The following OSBPL9 variants were observed in gnomAD, a reference collection of about 807,000 sequenced individuals.
OSBPL9 encodes oxysterol-binding protein-related protein 9.
Under a neutral mutation model 106.6 loss-of-function variants are expected in OSBPL9, and 40 were observed. The ratio of observed to expected loss-of-function variants is 0.38; its 90% CI spans 0.29 to 0.49. OSBPL9 has a LOEUF of 0.49. Ranked by LOEUF, OSBPL9 falls within the 20% of genes least tolerant of loss-of-function variation. The pLI is 0.97. For missense variants in OSBPL9, 609 were observed against 887.2 expected (o/e 0.69, Z 3.98); for synonymous variants, 269 against 295.4 (o/e 0.91, Z 0.92).
upstream of OSBPL9, among the ~76,000 whole-genome samples, chr1:51,615,119 G>A (rs950399506): frequency 8.5e-5 from 13 of 152,190 alleles, no homozygotes; most frequent in African/African-American, 3.1e-4. Context: ...AGTTAGCCAG[G>A]CGAGCGCCTG....
chr1:51,623,218 G>A (rs1644552458), intron 1 of OSBPL9, among the ~76,000 whole-genome samples: 1 of 152,098 alleles, frequency 6.6e-6, no homozygotes, highest in Admixed American at 6.6e-5. Context: ...AATATATGAA[G>A]CGAATGGAGG....
intron 3 of OSBPL9, among the ~76,000 whole-genome samples, chr1:51,705,399 ATT>A (rs869169566): frequency 3.5e-4 from 14 of 40,434 alleles, no homozygotes; most frequent in African/African-American, 1.4e-3. Flanking sequence ...ATATATATAT[ATT>A]TTTTTTTTTT....
chr1:51,679,977 C>T (rs184561032), intron 3 of OSBPL9, among the ~76,000 whole-genome samples: 83 of 152,246 alleles, frequency 5.5e-4, no homozygotes, highest in Middle Eastern at 3.4e-3. Flanking sequence ...CAGGCATCCA[C>T]AGGGGGTCTT....
intron 16 of OSBPL9, 192 bp downstream of exon 16, chr1:51,781,527 G>T (rs1676388236): frequency 5.4e-6 from 3 of 551,348 alleles, no homozygotes; most frequent in African/African-American, 1.9e-5. Context: ...TGAGGATGGG[G>T]ATGTAGAAAT....
intron 4 of OSBPL9, 133 bp downstream of exon 4, chr1:51,714,212 T>C (rs1470410860): frequency 6.6e-6 from 4 of 601,534 alleles, no homozygotes; most frequent in Non-Finnish European, 1.1e-5. Flanking sequence ...TTGCTTATTT[T>C]TCCTTTACAG....
chr1:51,548,281 T>A, the OSBPL9 span, among the ~76,000 whole-genome samples: 2 of 152,216 alleles, frequency 1.3e-5, no homozygotes, highest in African/African-American at 4.8e-5. Context: ...TGATTTTTTA[T>A]AGAGACAGAG....
intron 1 of OSBPL9, among the ~76,000 whole-genome samples, chr1:51,624,106 G>A (rs1054777552): frequency 2.0e-5 from 3 of 151,550 alleles, no homozygotes; most frequent in East Asian, 2.0e-4. Flanking sequence ...TAGTAGAGAC[G>A]AGGTTTCACC....
the OSBPL9 span, among the ~76,000 whole-genome samples, chr1:51,539,493 T>A: frequency 1.3e-5 from 2 of 152,164 alleles, no homozygotes; most frequent in Non-Finnish European, 2.9e-5. Flanking sequence ...CCCTCTTCCT[T>A]TTATGCCCCC....
chr1:51,566,830 G>A, the OSBPL9 span, among the ~76,000 whole-genome samples: 2 of 152,282 alleles, frequency 1.3e-5, no homozygotes, highest in East Asian at 3.9e-4. Context: ...ACTGTGAGCA[G>A]GTGTCATATA....
chr1:51,644,739 G>C (rs1646039005), intron 1 of OSBPL9, among the ~76,000 whole-genome samples: 1 of 152,140 alleles, frequency 6.6e-6, no homozygotes, highest in African/African-American at 2.4e-5. Flanking sequence ...GTCTACTGAT[G>C]AATCATTTCC....
chr1:51,720,492 A>T (rs1018594388), intron 4 of OSBPL9, among the ~76,000 whole-genome samples: 1 of 151,762 alleles, frequency 6.6e-6, no homozygotes, highest in African/African-American at 2.4e-5. Flanking sequence ...CGCCCAGCTG[A>T]TTTTTTGTAT....
intron 7 of OSBPL9, among the ~76,000 whole-genome samples, 157 bp from the exon 8 acceptor site, chr1:51,749,988 T>C (rs1668901010): frequency 6.6e-6 from 1 of 152,130 alleles, no homozygotes; most frequent in Admixed American, 6.5e-5. Flanking sequence ...TTTGGCATTA[T>C]CAGCATACTA....
chr1:51,753,708 AAATTTT>A (rs1411750234), intron 8 of OSBPL9, among the ~76,000 whole-genome samples: 1 of 152,150 alleles, frequency 6.6e-6, no homozygotes, highest in Non-Finnish European at 1.5e-5. Context: ...CTGTAAGTAA[AAATTTT>A]AATTTTAAGC....
At chr1:51,721,128 A>G (rs1307058629) in intron 4 of OSBPL9, among the ~76,000 whole-genome samples, 1 of 151,606 alleles carries the variant, frequency 6.6e-6, no homozygotes, top group Non-Finnish European at 1.5e-5. Context: ...TACTGCCTGT[A>G]ATTTTATGTT....
At chr1:51,764,566 G>A (rs954814268) in intron 11 of OSBPL9, among the ~76,000 whole-genome samples, 4 of 150,514 alleles carry the variant, frequency 2.7e-5, no homozygotes, top group African/African-American at 4.9e-5. Flanking sequence ...CAAAAAATCC[G>A]TAAGTGACTC....
chr1:51,715,518 C>CA (rs1660878165), intron 4 of OSBPL9, among the ~76,000 whole-genome samples: 2 of 152,066 alleles, frequency 1.3e-5, no homozygotes. Flanking sequence ...TGTCTCGGCT[C>CA]ACTGCAACCT....
intron 11 of OSBPL9, among the ~76,000 whole-genome samples, chr1:51,763,309 A>G (rs1476396583): frequency 2.0e-5 from 3 of 152,074 alleles, no homozygotes; most frequent in South Asian, 2.1e-4. Flanking sequence ...CCCAGCCTGC[A>G]TTTTCTTAAT....
intron 2 of OSBPL9, among the ~76,000 whole-genome samples, chr1:51,656,395 T>C (rs1272023688): frequency 6.6e-6 from 1 of 152,144 alleles, no homozygotes; most frequent in African/African-American, 2.4e-5. Flanking sequence ...GCCCCATCCA[T>C]CCCATCCTAT....
At chr1:51,572,464 G>A (rs1007481221), upstream of OSBPL9, among the ~76,000 whole-genome samples, 2 of 152,166 alleles carry the variant, frequency 1.3e-5, no homozygotes, top group African/African-American at 4.8e-5. Flanking sequence ...CCCTAGGTCT[G>A]TCTGCTCCTC....
Sources: gnomAD v4.1 joint callset for allele counts (sites outside exome capture counted in the v4.1 genomes callset) on GRCh38, gnomAD v4.1.1 for gene constraint, MANE v1.5 for transcripts, NCBI Gene and HGNC (gene_info 2026-07-23, HGNC 2026-07-21) for gene names.